Variants in QNG1 observed in about 807,000 individuals in gnomAD.
QNG1 encodes Q-nucleotide N-glycosylase 1.
At chr9:83,946,267 T>G in the QNG1 span, among the ~76,000 whole-genome samples, 1 of 151,956 alleles carries the variant, frequency 6.6e-6, no homozygotes, top group Non-Finnish European at 1.5e-5. Context: ...ATCGCACCAC[T>G]GCACTCCAGC....
At chr9:83,952,164 T>A in the QNG1 span, among the ~76,000 whole-genome samples, 2 of 151,952 alleles carry the variant, frequency 1.3e-5, no homozygotes, top group African/African-American at 4.8e-5. Flanking sequence ...TTTAAATTTT[T>A]TGTAGAAATG....
the QNG1 span, chr9:83,956,062 T>C: frequency 8.3e-7 from 1 of 1,201,582 alleles, no homozygotes; most frequent in South Asian, 1.3e-5. Flanking sequence ...TCGCTTTCCA[T>C]TATTCCATCT....
the QNG1 span, chr9:83,945,085 A>G: frequency 2.1e-6 from 2 of 966,588 alleles, no homozygotes; most frequent in African/African-American, 3.4e-5. Context: ...TTTAAAAGGC[A>G]GAATAATCTT....
the QNG1 span, among the ~76,000 whole-genome samples, chr9:83,941,852 G>A: frequency 6.6e-6 from 1 of 151,984 alleles, no homozygotes; most frequent in Non-Finnish European, 1.5e-5. Context: ...GAAGGAGGTT[G>A]CAGTGAGCTG....
the QNG1 span, among the ~76,000 whole-genome samples, chr9:83,951,788 G>A: frequency 6.6e-6 from 1 of 152,230 alleles, no homozygotes; most frequent in South Asian, 2.1e-4. Flanking sequence ...GGCTCTTTGA[G>A]GGTGGTGTTT....
the QNG1 span, chr9:83,944,880 A>G: frequency 6.2e-7 from 1 of 1,613,574 alleles, no homozygotes; most frequent in Non-Finnish European, 8.5e-7. Flanking sequence ...ATCAGCAAAC[A>G]TGGTGATACT....
the QNG1 span, among the ~76,000 whole-genome samples, chr9:83,946,259 C>T: frequency 3.0e-4 from 46 of 151,882 alleles, no homozygotes; most frequent in African/African-American, 1.1e-3. Context: ...GAGCCGAGAT[C>T]GCACCACTGC....
chr9:83,940,773 C>T, the QNG1 span, among the ~76,000 whole-genome samples: 6 of 152,188 alleles, frequency 3.9e-5, no homozygotes, highest in Non-Finnish European at 5.9e-5. Flanking sequence ...TGGCCTCTGG[C>T]CACCAAACTG....
At chr9:83,954,935 C>T in the QNG1 span, among the ~76,000 whole-genome samples, 6 of 148,606 alleles carry the variant, frequency 4.0e-5, no homozygotes, top group South Asian at 2.1e-4. Context: ...TGGTGGTTCA[C>T]GCCTGTAATC....
the QNG1 span, among the ~76,000 whole-genome samples, chr9:83,947,562 G>C: frequency 6.6e-6 from 1 of 152,198 alleles, no homozygotes; most frequent in East Asian, 1.9e-4. Flanking sequence ...CTCTGATGCC[G>C]AGGGGAGGCT....
the QNG1 span, among the ~76,000 whole-genome samples, chr9:83,944,170 A>G: frequency 2.0e-5 from 3 of 152,252 alleles, no homozygotes; most frequent in African/African-American, 7.2e-5. Context: ...TAAAGAAAAA[A>G]GTAGCAGAAA....
chr9:83,955,700 T>C, the QNG1 span: 1 of 1,500,010 alleles, frequency 6.7e-7, no homozygotes, highest in Non-Finnish European at 9.1e-7. Context: ...CATTAAACCC[T>C]TGCTTTTACA....
the QNG1 span, chr9:83,955,427 AG>A: frequency 6.2e-7 from 1 of 1,614,188 alleles, no homozygotes; most frequent in Non-Finnish European, 8.5e-7. Flanking sequence ...TTCAACCACC[AG>A]GTGCATTAAC....
chr9:83,956,578 A>G, the QNG1 span: 1 of 1,258,446 alleles, frequency 7.9e-7, no homozygotes, highest in African/African-American at 1.5e-5. Flanking sequence ...TTGCGCTACT[A>G]CGAACCGCGC....
the QNG1 span, among the ~76,000 whole-genome samples, chr9:83,953,316 A>C: frequency 6.6e-6 from 1 of 152,102 alleles, no homozygotes; most frequent in Non-Finnish European, 1.5e-5. Context: ...TCTTTATAGC[A>C]GTGTGAGAAC....
chr9:83,948,401 G>T, the QNG1 span, among the ~76,000 whole-genome samples: 1 of 150,578 alleles, frequency 6.6e-6, no homozygotes, highest in East Asian at 2.0e-4. Flanking sequence ...CCCCCAGCCC[G>T]GCAGCCGCCC....
At chr9:83,949,313 GCAAC>G in the QNG1 span, among the ~76,000 whole-genome samples, 2 of 152,070 alleles carry the variant, frequency 1.3e-5, no homozygotes, top group South Asian at 4.1e-4. Flanking sequence ...TTTATATATG[GCAAC>G]CAGGTTTCTA....
chr9:83,942,853 C>T, the QNG1 span, among the ~76,000 whole-genome samples: 1 of 152,156 alleles, frequency 6.6e-6, no homozygotes, highest in African/African-American at 2.4e-5. Flanking sequence ...GGAAAAGAGC[C>T]TCTGGAGTTG....
the QNG1 span, among the ~76,000 whole-genome samples, chr9:83,954,949 A>C: frequency 1.1e-3 from 163 of 151,182 alleles, 1 homozygote; most frequent in African/African-American, 3.8e-3. Flanking sequence ...TGTAATCACA[A>C]CACTTTGGGA....
Sources: allele counts gnomAD v4.1 joint callset (sites outside exome capture counted in the v4.1 genomes callset), GRCh38; gene constraint gnomAD v4.1.1; transcripts MANE v1.5; gene names NCBI Gene and HGNC (gene_info 2026-07-23, HGNC 2026-07-21).